Variants in ADCY2 observed in about 807,000 individuals in gnomAD.
ADCY2 encodes the protein adenylate cyclase type 2.
ADCY2 carries 31 observed loss-of-function variants against 125.2 expected under a neutral mutation model. That is an observed-to-expected ratio of 0.25 (90% CI 0.19 to 0.33). ADCY2 has a LOEUF of 0.33. Among genes scored for constraint, ADCY2 ranks in the 10% least tolerant of loss-of-function variants. The probability of loss-of-function intolerance (pLI) is 1.00; values close to 1 mark genes in which losing one functional copy is unlikely to be tolerated. For synonymous variants in ADCY2, 512 were observed against 548.4 expected (o/e 0.93, Z 0.93); for missense variants, 904 against 1,418.2 (o/e 0.64, Z 5.82).
At chr5:7,568,950 C>A (rs1735990674) in intron 3 of ADCY2, among the ~76,000 whole-genome samples, 1 of 152,096 alleles carries the variant, frequency 6.6e-6, no homozygotes, top group Admixed American at 6.6e-5. Context: ...GCAGTAAAAC[C>A]TGCAGTGTCT....
intron 3 of ADCY2, among the ~76,000 whole-genome samples, chr5:7,591,397 C>G (rs1270924510): frequency 6.6e-6 from 1 of 152,170 alleles, no homozygotes; most frequent in Admixed American, 6.6e-5. Context: ...ATGAACAGGA[C>G]AGGTGATGTG....
intron 4 of ADCY2, among the ~76,000 whole-genome samples, chr5:7,669,155 C>A (rs1283019638): frequency 6.6e-6 from 1 of 152,118 alleles, no homozygotes; most frequent in East Asian, 1.9e-4. Flanking sequence ...CTGGTAGGAA[C>A]AAAAGGAATC....
intron 15 of ADCY2, among the ~76,000 whole-genome samples, chr5:7,755,406 G>C (rs780257115): frequency 7.6e-5 from 11 of 145,478 alleles, no homozygotes; most frequent in Non-Finnish European, 1.7e-4. Flanking sequence ...CTGGAAGGAA[G>C]AAAAAAAAAA....
At chr5:7,682,861 G>C (rs1224891753) in intron 4 of ADCY2, among the ~76,000 whole-genome samples, 3 of 152,198 alleles carry the variant, frequency 2.0e-5, no homozygotes, top group Non-Finnish European at 4.4e-5. Flanking sequence ...TTTGCATGTA[G>C]GATAACATCT....
At chr5:7,637,190 C>T (rs1327924768) in intron 4 of ADCY2, among the ~76,000 whole-genome samples, 1 of 151,910 alleles carries the variant, frequency 6.6e-6, no homozygotes, top group Non-Finnish European at 1.5e-5. Flanking sequence ...ACAGTTGGGG[C>T]CGGGTGTGCT....
chr5:7,658,315 A>C (rs917819605), intron 4 of ADCY2: 3 of 144,990 alleles, frequency 2.1e-5, no homozygotes, highest in Non-Finnish European at 4.5e-5. Flanking sequence ...AGATTTGTCC[A>C]CTCTTGGGTT....
intron 18 of ADCY2, among the ~76,000 whole-genome samples, chr5:7,779,577 C>G (rs991500805): frequency 6.6e-6 from 1 of 151,498 alleles, no homozygotes; most frequent in Non-Finnish European, 1.5e-5. Context: ...CAGTCCAACC[C>G]CCCCCCCAAC....
chr5:7,720,726 T>C (rs1228030397), intron 12 of ADCY2, among the ~76,000 whole-genome samples: 1 of 152,182 alleles, frequency 6.6e-6, no homozygotes, highest in African/African-American at 2.4e-5. Flanking sequence ...GGACATGAAC[T>C]CATCCTTTTT....
chr5:7,541,620 A>G (rs1734998636), intron 3 of ADCY2, among the ~76,000 whole-genome samples: 2 of 152,196 alleles, frequency 1.3e-5, no homozygotes, highest in African/African-American at 4.8e-5. Flanking sequence ...GGGAATTTTC[A>G]GGTACACCTT....
chr5:7,787,724 C>T (rs1744125127), intron 19 of ADCY2, among the ~76,000 whole-genome samples: 1 of 152,092 alleles, frequency 6.6e-6, no homozygotes, highest in South Asian at 2.1e-4. Context: ...GGCAAAATGT[C>T]ATTTCGGTTC....
intron 2 of ADCY2, among the ~76,000 whole-genome samples, chr5:7,430,447 C>G (rs947953552): frequency 2.7e-5 from 4 of 150,022 alleles, no homozygotes; most frequent in Non-Finnish European, 5.9e-5. Flanking sequence ...ACATTCTAAC[C>G]AAAATTCAAA....
intron 3 of ADCY2, among the ~76,000 whole-genome samples, chr5:7,531,100 A>G (rs188147714): frequency 3.3e-5 from 5 of 152,314 alleles, no homozygotes; most frequent in African/African-American, 1.2e-4. Context: ...ATGGAATAGC[A>G]GCCTTTGAAA....
intron 3 of ADCY2, among the ~76,000 whole-genome samples, chr5:7,541,293 G>C (rs1254416390): frequency 1.3e-5 from 2 of 152,248 alleles, no homozygotes; most frequent in African/African-American, 4.8e-5. Context: ...GGCAGCATGA[G>C]AAGTGCCCAA....
chr5:7,734,458 C>A (rs1272000027), intron 14 of ADCY2, among the ~76,000 whole-genome samples: 1 of 152,174 alleles, frequency 6.6e-6, no homozygotes, highest in Non-Finnish European at 1.5e-5. Context: ...CATAACAATG[C>A]ACTTGAATAA....
intron 2 of ADCY2, among the ~76,000 whole-genome samples, chr5:7,419,061 G>C (rs1263291806): frequency 6.6e-6 from 1 of 152,146 alleles, no homozygotes; most frequent in Non-Finnish European, 1.5e-5. Flanking sequence ...TAGGAAAGCA[G>C]GCTGCTTTCA....
At chr5:7,618,439 T>A (rs1737838822) in intron 3 of ADCY2, among the ~76,000 whole-genome samples, 1 of 152,198 alleles carries the variant, frequency 6.6e-6, no homozygotes, top group Non-Finnish European at 1.5e-5. Context: ...ACACATTTTC[T>A]CCCTTCTTGT....
At chr5:7,569,037 A>G (rs1735993036) in intron 3 of ADCY2, among the ~76,000 whole-genome samples, 2 of 152,328 alleles carry the variant, frequency 1.3e-5, no homozygotes, top group Non-Finnish European at 2.9e-5. Flanking sequence ...GCTATTTTGC[A>G]TTAAGAGGTT....
intron 2 of ADCY2, among the ~76,000 whole-genome samples, chr5:7,502,316 A>G (rs1164153952): frequency 6.6e-6 from 1 of 152,164 alleles, no homozygotes; most frequent in African/African-American, 2.4e-5. Context: ...CGAGCCCCAC[A>G]TATGAGGCCA....
chr5:7,482,645 A>G (rs1387432937), intron 2 of ADCY2, among the ~76,000 whole-genome samples: 1 of 151,930 alleles, frequency 6.6e-6, no homozygotes, highest in African/African-American at 2.4e-5. Context: ...TATCCAAGGA[A>G]AAGAAATCCT....
Sources: allele counts gnomAD v4.1 joint callset (sites outside exome capture counted in the v4.1 genomes callset), GRCh38; gene constraint gnomAD v4.1.1; transcripts MANE v1.5; gene names NCBI Gene and HGNC (gene_info 2026-07-23, HGNC 2026-07-21).